The following SLC22A3 variants were observed in gnomAD, a reference collection of about 807,000 sequenced individuals.
The protein encoded by SLC22A3 is solute carrier family 22 member 3.
Under a neutral mutation model 59.1 loss-of-function variants are expected in SLC22A3, and 51 were observed. The observed-to-expected ratio is 0.86, with a 90% CI of 0.69 to 1.09. The LOEUF is 1.09. Among genes scored for constraint, SLC22A3 ranks in the 50% least tolerant of loss-of-function variants. The pLI, the probability that SLC22A3 is intolerant of heterozygous loss-of-function variation, is 0.00. For synonymous variants in SLC22A3, 325 were observed against 292.0 expected (o/e 1.11, Z -1.15); for missense variants, 711 against 726.3 (o/e 0.98, Z 0.24).
At position 160,442,809 on chromosome 6, in the gene SLC22A3, T is replaced by C; in HGVS notation, c.1337T>C (p.Ile446Thr). The change falls in exon 8 of 11, where the codon ATA (isoleucine) becomes ACA (threonine). Residue 446 changes from isoleucine to threonine, a missense_variant. By Grantham distance (89) the Ile-to-Thr change is moderately conservative. Coordinates refer to ENST00000275300, the MANE Select transcript of SLC22A3 (RefSeq NM_021977.4). Reference protein sequence around the residue: ...TTVATLGRLGITMAFEIVYLV... With the variant: ...TTVATLGRLGTTMAFEIVYLV... Reference sequence around the variant, plus strand: ...GTGGCTACATTGGGAAGACTAGGGATAACCATGGCCTTTGAAATTGTTTAT... The same window carrying C: ...GTGGCTACATTGGGAAGACTAGGGACAACCATGGCCTTTGAAATTGTTTAT... The C allele has an allele frequency of 1.2e-6, 2 of 1,614,142 alleles. No homozygotes were observed. The highest frequency in any genetic ancestry group is 1.3e-5 in the African/African-American group (1 of 75,072).
intron 1 of SLC22A3, among the ~76,000 whole-genome samples, chr6:160,392,509 T>C (rs2114820577): frequency 6.6e-6 from 1 of 152,342 alleles, no homozygotes; most frequent in East Asian, 1.9e-4. Flanking sequence ...TGTATATGCC[T>C]GGTATTCCTC....
At chr6:160,373,590 A>C (rs1042402850) in intron 1 of SLC22A3, among the ~76,000 whole-genome samples, 1 of 152,162 alleles carries the variant, frequency 6.6e-6, no homozygotes, top group Non-Finnish European at 1.5e-5. Flanking sequence ...GTTTAAGTCT[A>C]CTGAAGCTGT....
intron 1 of SLC22A3, among the ~76,000 whole-genome samples, chr6:160,369,809 A>AT (rs973834055): frequency 8.6e-5 from 13 of 151,782 alleles, no homozygotes; most frequent in South Asian, 4.2e-4. Flanking sequence ...TAAAACAACC[A>AT]TTTTTTTTTA....
At chr6:160,442,014 T>A (rs1024885669) in intron 7 of SLC22A3, among the ~76,000 whole-genome samples, 1 of 152,192 alleles carries the variant, frequency 6.6e-6, no homozygotes, top group Non-Finnish European at 1.5e-5. Flanking sequence ...ATATTTAATA[T>A]AGAATGTTTG....
chr6:160,424,714 C>A (rs1787884121), intron 5 of SLC22A3, among the ~76,000 whole-genome samples: 1 of 152,152 alleles, frequency 6.6e-6, no homozygotes, highest in Admixed American at 6.5e-5. Flanking sequence ...GGTTGAGTAC[C>A]ACGGTTCCCA....
At chr6:160,439,120 T>C (rs1047131396) in intron 7 of SLC22A3, among the ~76,000 whole-genome samples, 1 of 152,108 alleles carries the variant, frequency 6.6e-6, no homozygotes, top group African/African-American at 2.4e-5. Flanking sequence ...ACGTATCTAT[T>C]TAGTATCGAC....
At chr6:160,394,773 G>A (rs1786405425) in intron 1 of SLC22A3, among the ~76,000 whole-genome samples, 1 of 152,214 alleles carries the variant, frequency 6.6e-6, no homozygotes, top group Admixed American at 6.5e-5. Context: ...GACAGTTCCT[G>A]CAGTGTCCTG....
intron 5 of SLC22A3, among the ~76,000 whole-genome samples, chr6:160,413,151 TAGTG>T (rs770391522): frequency 5.9e-5 from 9 of 152,218 alleles, no homozygotes; most frequent in East Asian, 1.9e-4. Context: ...TGTGTGATGA[TAGTG>T]AGTATCACTG....
rs1055274121 is a variant in SLC22A3 at position 160,426,069 on chromosome 6, C to G, written c.976-10711C>G. On this transcript the variant is annotated intron_variant, in intron 5 of 10. Transcript: ENST00000275300. Reference sequence around the variant, plus strand: ...CAGAAAATATTCTGCAAATCAAGAACCAGAAAAGTAAGCAACCCGCAAACT... The same window carrying G: ...CAGAAAATATTCTGCAAATCAAGAAGCAGAAAAGTAAGCAACCCGCAAACT... 10 of 985,262 alleles carry G rather than the reference C, an allele frequency of 1.0e-5. No homozygotes were observed. The Admixed American group carries it at 6.2e-4, about 61-fold the overall frequency. The allele number at this position is 985,262 out of a possible 1,614,324, so 61.0% of individuals were successfully genotyped here.
At chr6:160,426,153 A>G (rs868858859) in intron 5 of SLC22A3, 5 of 985,454 alleles carry the variant, frequency 5.1e-6, no homozygotes, top group Non-Finnish European at 6.0e-6. Context: ...CTGATCTTCA[A>G]ACTCTTCAGC....
chr6:160,361,098 T>C (rs1334709569), intron 1 of SLC22A3, among the ~76,000 whole-genome samples: 1 of 152,142 alleles, frequency 6.6e-6, no homozygotes, highest in East Asian at 1.9e-4. Flanking sequence ...GGAGACTGAC[T>C]CCACCCAGGG....
intron 1 of SLC22A3, among the ~76,000 whole-genome samples, chr6:160,392,724 A>G (rs446926): frequency 0.34 from 51,061 of 151,964 alleles, 9,039 homozygotes; most frequent in African/African-American, 0.46. Flanking sequence ...TGGAAACCCA[A>G]ACCAAATTAT....
intron 9 of SLC22A3, among the ~76,000 whole-genome samples, chr6:160,445,343 G>A (rs1788701041): frequency 6.6e-6 from 1 of 152,182 alleles, no homozygotes; most frequent in Non-Finnish European, 1.5e-5. Context: ...GCAGTTGTGA[G>A]CTGGGCCTGA....
At chr6:160,449,762 TAA>T (rs1788879881) in intron 10 of SLC22A3, among the ~76,000 whole-genome samples, 1 of 152,086 alleles carries the variant, frequency 6.6e-6, no homozygotes, top group Admixed American at 6.5e-5. Context: ...AGCTGAGAAA[TAA>T]AAAGAGTACA....
intron 9 of SLC22A3, among the ~76,000 whole-genome samples, chr6:160,445,520 T>C (rs1483491721): frequency 6.6e-6 from 1 of 152,162 alleles, no homozygotes; most frequent in Admixed American, 6.5e-5. Context: ...GCAAGTGGGT[T>C]GGAAGGACCC....
At position 160,398,083 on chromosome 6, in the gene SLC22A3, G is replaced by A. The variant is rs763251892; in HGVS notation, c.533+1G>A. 2 of 1,610,222 alleles carry A rather than the reference G, an allele frequency of 1.2e-6. No individual in the cohort carries two copies. The highest frequency in any genetic ancestry group is 1.7e-6 in the Non-Finnish European group (2 of 1,176,574). On this transcript the variant is annotated splice_donor_variant, in intron 2 of 10. Coordinates refer to ENST00000275300, the MANE Select transcript of SLC22A3 (RefSeq NM_021977.4). LOFTEE classifies it high-confidence loss of function. ...TCACCTTAGGCTATGCAGCAGACAG[G>A]TAGGTACCAATGTGACAGCCATTTT...
At chr6:160,365,297 C>T (rs997350967) in intron 1 of SLC22A3, among the ~76,000 whole-genome samples, 2 of 152,164 alleles carry the variant, frequency 1.3e-5, no homozygotes, top group Non-Finnish European at 2.9e-5. Context: ...TTGTGACTCA[C>T]CCAAGTTAAG....
chr6:160,420,952 C>T (rs1024017673), intron 5 of SLC22A3, among the ~76,000 whole-genome samples: 15 of 152,194 alleles, frequency 9.9e-5, no homozygotes, highest in Non-Finnish European at 2.1e-4. Context: ...CCTTTCTTTC[C>T]GCACCCCTTC....
chr6:160,451,616 T>C lies in SLC22A3; in HGVS notation c.*560T>C, dbSNP rs115069429. 1,725 of 159,332 alleles carry C rather than the reference T, an allele frequency of 0.011. 29 individuals carry two copies. Among genetic ancestry groups the C allele is most frequent in the African/African-American group, 0.039 (1,613 of 41,622 alleles). The allele number at this position is 159,332 out of a possible 1,614,324, so 9.9% of individuals were successfully genotyped here. A position where few individuals can be genotyped will look rare whatever the true frequency, so the allele number is the denominator to read the frequency against. On this transcript the variant is annotated 3_prime_UTR_variant, in exon 11 of 11. Transcript: ENST00000275300. ...ATTCATGTTCTCTGCTCACCTTGGT[T>C]TCCGCACACCTTCGCAATGTGAACA...
Sources: gnomAD v4.1 joint callset for allele counts (sites outside exome capture counted in the v4.1 genomes callset) on GRCh38, gnomAD v4.1.1 for gene constraint, MANE v1.5 for transcripts, NCBI Gene and HGNC (gene_info 2026-07-23, HGNC 2026-07-21) for gene names.